Variants in NEURL1 observed in about 807,000 individuals in gnomAD.
NEURL1 encodes the protein E3 ubiquitin-protein ligase NEURL1.
NEURL1 carries 26 observed loss-of-function variants against 41.2 expected under a neutral mutation model. The observed-to-expected ratio is 0.63, with a 90% CI of 0.46 to 0.87. The LOEUF is 0.87. NEURL1 is among the 40% of genes least tolerant of loss of function. The pLI is 0.00. For synonymous variants in NEURL1, 400 were observed against 402.3 expected, an observed-to-expected ratio of 0.99 and a Z score of 0.07; for missense variants, 761 against 871.1, an observed-to-expected ratio of 0.87 and a Z score of 1.59.
chr10:103,523,195 T>C (rs2034392026), intron 1 of NEURL1, among the ~76,000 whole-genome samples: 2 of 152,028 alleles, frequency 1.3e-5, no homozygotes, highest in South Asian at 2.1e-4. Context: ...TGGCTCAAGC[T>C]TGTAATCCCA....
At chr10:103,498,980 T>C (rs1421142109) in intron 1 of NEURL1, among the ~76,000 whole-genome samples, 1 of 152,262 alleles carries the variant, frequency 6.6e-6, no homozygotes, top group Non-Finnish European at 1.5e-5. Context: ...TTTTCATGAA[T>C]AATGCTGCTA....
intron 1 of NEURL1, chr10:103,555,484 G>A: frequency 7.9e-7 from 1 of 1,263,796 alleles, no homozygotes; most frequent in Non-Finnish European, 1.0e-6. Flanking sequence ...CGGGCGGAGG[G>A]GCGCTGGGGC....
intron 3 of NEURL1, among the ~76,000 whole-genome samples, chr10:103,581,614 T>A (rs2035784699): frequency 6.6e-6 from 1 of 152,224 alleles, no homozygotes; most frequent in South Asian, 2.1e-4. Flanking sequence ...CTGTCCTGCC[T>A]ACTAGTATAT....
At chr10:103,511,898 T>G (rs1456137973) in intron 1 of NEURL1, 1 of 152,254 alleles carries the variant, frequency 6.6e-6, no homozygotes, top group Non-Finnish European at 1.5e-5. Context: ...ATGGGCTGAT[T>G]CTGGGGAATT....
At chr10:103,574,671 G>A (rs925143467) in intron 3 of NEURL1, among the ~76,000 whole-genome samples, 3 of 152,228 alleles carry the variant, frequency 2.0e-5, no homozygotes, top group Admixed American at 1.3e-4. Context: ...AGTGGAACAC[G>A]ACAGACGGGC....
chr10:103,579,918 C>T (rs1001238523), intron 3 of NEURL1, among the ~76,000 whole-genome samples: 1 of 152,122 alleles, frequency 6.6e-6, no homozygotes, highest in African/African-American at 2.4e-5. Context: ...TGCACTCCAG[C>T]CTGGGGAACA....
rs1374502285 is a variant in NEURL1, at chr10:103,566,084, T to G, written c.86-4788T>G. 6.6e-6 allele frequency among the ~76,000 whole-genome samples: 1 copy of G among 152,120 alleles called. No individual in the cohort carries two copies. Among genetic ancestry groups the G allele is most frequent in the East Asian group, 1.9e-4 (1 of 5,200 alleles). Reference sequence around the variant, plus strand: ...CCCAGTCTCAAGATATGGAACATTATTTCTTTCTTTTCTTTTTTTTTTAGA... The same window carrying G: ...CCCAGTCTCAAGATATGGAACATTAGTTCTTTCTTTTCTTTTTTTTTTAGA... On this transcript the variant is annotated intron_variant, in intron 1 of 5. Coordinates refer to ENST00000369780, the MANE Select transcript of NEURL1 (RefSeq NM_004210.5). The surrounding 1 kb of genome is among the most constrained non-coding windows in gnomAD (Gnocchi z 4.2).
chr10:103,590,055 G>A (rs1252414893), intron 5 of NEURL1, 79 bp from the exon 6 acceptor site: 1 of 1,367,870 alleles, frequency 7.3e-7, no homozygotes, highest in Non-Finnish European at 1.0e-6. Context: ...GGACACAAGA[G>A]GCCGGGGAGC....
At chr10:103,571,314 C>T (rs1398600091) in intron 2 of NEURL1, among the ~76,000 whole-genome samples, 187 bp from the exon 3 acceptor site, 5 of 152,096 alleles carry the variant, frequency 3.3e-5, no homozygotes, top group South Asian at 4.1e-4. Context: ...AGGAAGGAAC[C>T]GGGAGGGCGG....
rs2035864155 is a variant in NEURL1, at chr10:103,584,713, A to G, written c.827A>G (p.Asn276Ser). ...GCCGCCGGCTGCCCCATCCCGCAGA[A>G]CTCACTCAACTCGCAGCACAGCCGC... Reference protein sequence around the residue: ...APAAGCPIPQNSLNSQHSRAL... With the variant: ...APAAGCPIPQSSLNSQHSRAL... Residue 276 changes from asparagine (N) to serine (S), a missense_variant, in exon 4 of 6, where the codon AAC becomes AGC. Coordinates refer to ENST00000369780, the MANE Select transcript of NEURL1 (RefSeq NM_004210.5). 1.4e-6 allele frequency: 2 copies of G among 1,465,144 alleles called. No homozygotes were observed. The highest frequency in any genetic ancestry group is 1.8e-6 in the Non-Finnish European group (2 of 1,114,352). 90.8% of individuals were successfully genotyped at this position (1,465,144 alleles called of 1,614,324 possible). A position where few individuals can be genotyped will look rare whatever the true frequency, so the allele number is the denominator to read the frequency against.
In NEURL1 at chr10:103,589,579, TCG is replaced by T; in HGVS notation, c.1407_1408del (p.Pro470GlnfsTer9). On this transcript the variant is annotated frameshift_variant, in exon 5 of 6. Transcript: ENST00000369780. LOFTEE classifies it high-confidence loss of function. ...LPCSPASTPT[S>X]PSALGSRLSD... ...CTGCTCCCCTGCCTCCACGCCAACC[TCG>T]CCCAGTGCCCTGGGCAGCCGCCTGT... is the stretch of plus-strand genomic sequence containing the variant. 1.2e-6 allele frequency: 2 copies of T among 1,613,954 alleles called. No individual in the cohort carries two copies. Among genetic ancestry groups the T allele is most frequent in the Non-Finnish European group, 1.7e-6 (2 of 1,179,922 alleles).
At chr10:103,586,652 A>G (rs1435973164) in intron 4 of NEURL1, among the ~76,000 whole-genome samples, 1 of 152,218 alleles carries the variant, frequency 6.6e-6, no homozygotes. Context: ...TAATGCATGT[A>G]ATGCTGTTGG....
intron 1 of NEURL1, among the ~76,000 whole-genome samples, chr10:103,540,192 C>T (rs1320700636): frequency 1.3e-5 from 2 of 152,220 alleles, no homozygotes; most frequent in Admixed American, 6.5e-5. Context: ...AGGAGGAAGT[C>T]AGCTGTATTG....
rs561344400 is a variant in NEURL1 at position 103,590,381 on chromosome 10, G to A, written c.*9G>A. Reference sequence around the variant, plus strand: ...CCTACCGCAGCTCCTAGCCCGTTGCGGTGGCCCATCCCGCATACCCATCTT... The same window carrying A: ...CCTACCGCAGCTCCTAGCCCGTTGCAGTGGCCCATCCCGCATACCCATCTT... On this transcript the variant is annotated 3_prime_UTR_variant, in exon 6 of 6. Transcript: ENST00000369780. The A allele has an allele frequency of 1.1e-4, 177 of 1,608,010 alleles. 3 individuals carry two copies. In the South Asian group the frequency reaches 1.7e-3, roughly 16 times the overall value.
chr10:103,514,211 T>C (rs2133851161), intron 1 of NEURL1, among the ~76,000 whole-genome samples: 1 of 152,090 alleles, frequency 6.6e-6, no homozygotes, highest in Non-Finnish European at 1.5e-5. Context: ...TACCTCAGCC[T>C]CCCAAGTAGC....
rs1335724611 is a variant in NEURL1 at position 103,508,613 on chromosome 10, G to A, written c.85+14141G>A. Reference sequence around the variant, plus strand: ...CCAGTGCCTGAGAGGGGCAGAAGGGGTTTTCCCTTTCTGAGGCTGGCGTTT... The same window carrying A: ...CCAGTGCCTGAGAGGGGCAGAAGGGATTTTCCCTTTCTGAGGCTGGCGTTT... On this transcript the variant is annotated intron_variant, in intron 1 of 5. Transcript: ENST00000369780. The surrounding 1 kb of genome is among the most constrained non-coding windows in gnomAD (Gnocchi z 4.3). 6.6e-6 allele frequency among the ~76,000 whole-genome samples: 1 copy of A among 152,194 alleles called. No individual in the cohort carries two copies. Among genetic ancestry groups the A allele is most frequent in the Non-Finnish European group, 1.5e-5 (1 of 68,044 alleles).
intron 1 of NEURL1, among the ~76,000 whole-genome samples, chr10:103,567,632 C>T (rs1006287148): frequency 7.9e-5 from 12 of 152,162 alleles, no homozygotes; most frequent in Non-Finnish European, 1.5e-4. Context: ...TCCTAGGTCT[C>T]AAGTGATCCT....
In NEURL1 at chr10:103,538,943, G is replaced by GTT. The variant is rs59036052; in HGVS notation, c.86-31915_86-31914dup. On this transcript the variant is annotated intron_variant, in intron 1 of 5. Transcript: ENST00000369780. ...ATTACAGGCATGAGCCACCGCACCC[G>GTT]TTTTTTTTTTTTTTTCTTTTTCAGA... Among the ~76,000 whole-genome samples, 828 of 129,214 alleles carry GTT rather than the reference G, an allele frequency of 6.4e-3. 9 individuals are homozygous for GTT. Among genetic ancestry groups the GTT allele is most frequent in the African/African-American group, 0.022 (778 of 35,596 alleles). The allele number at this position is 129,214 out of a possible 152,430, so 84.8% of individuals were successfully genotyped here.
Position 103,535,084 on chromosome 10 carries a change from T to C in NEURL1, c.86-35788T>C, listed in dbSNP as rs138870235. Among the ~76,000 whole-genome samples, 193 of 152,200 alleles carry C rather than the reference T, an allele frequency of 1.3e-3. 1 individual carries two copies. The highest frequency in any genetic ancestry group is 3.3e-3 in the African/African-American group (137 of 41,514). The stretch of plus-strand genomic sequence containing the variant: ...AACTCAGATCCCAGGGGATGAGGCA[T>C]TGTGTAGTGTGACTCTAGAACAAGG... On this transcript the variant is annotated intron_variant, in intron 1 of 5. Transcript: ENST00000369780.
Sources: allele counts gnomAD v4.1 joint callset (sites outside exome capture counted in the v4.1 genomes callset), GRCh38; gene constraint gnomAD v4.1.1; non-coding constraint Gnocchi (gnomAD v3.1); transcripts MANE v1.5; gene names NCBI Gene and HGNC (gene_info 2026-07-23, HGNC 2026-07-21).